The following CNTNAP2 variants were observed in gnomAD, a reference collection of about 807,000 sequenced individuals.
CNTNAP2 encodes contactin-associated protein-like 2.
Under a neutral mutation model 155.2 loss-of-function variants are expected in CNTNAP2, and 98 were observed. The observed-to-expected ratio is 0.63, with a 90% CI of 0.54 to 0.75. The LOEUF is 0.75. CNTNAP2 is among the 30% of genes least tolerant of loss of function. The pLI is 0.00. For synonymous variants in CNTNAP2, 651 were observed against 631.2 expected (o/e 1.03, Z -0.47); for missense variants, 1,727 against 1,688.1 (o/e 1.02, Z -0.40).
chr7:146,589,642 A>C (rs1798750711), intron 1 of CNTNAP2, among the ~76,000 whole-genome samples: 1 of 152,048 alleles, frequency 6.6e-6, no homozygotes, highest in Admixed American at 6.6e-5. Flanking sequence ...AGAAATACCT[A>C]ATGCAGATGA....
chr7:148,148,092 G>T (rs1805227431), intron 17 of CNTNAP2, among the ~76,000 whole-genome samples: 1 of 146,178 alleles, frequency 6.8e-6, no homozygotes, highest in African/African-American at 2.7e-5. Flanking sequence ...GGAAGGGAGA[G>T]AGGGAGGGAG....
At chr7:146,423,977 G>C (rs1796051055) in intron 1 of CNTNAP2, among the ~76,000 whole-genome samples, 1 of 152,054 alleles carries the variant, frequency 6.6e-6, no homozygotes, top group Non-Finnish European at 1.5e-5. Flanking sequence ...ACCCTCCTCA[G>C]TTAATTCTTT....
At chr7:147,728,450 T>C (rs1796682262) in intron 13 of CNTNAP2, among the ~76,000 whole-genome samples, 1 of 152,070 alleles carries the variant, frequency 6.6e-6, no homozygotes, top group Non-Finnish European at 1.5e-5. Context: ...TATTTTCTCC[T>C]CTTGGTTACC....
At chr7:146,444,014 G>A (rs17170092) in intron 1 of CNTNAP2, among the ~76,000 whole-genome samples, 11,897 of 152,050 alleles carry the variant, frequency 0.078, 530 homozygotes, top group African/African-American at 0.091. Flanking sequence ...TAATTAGTTG[G>A]TATTTATCAT....
chr7:147,319,815 C>T (rs1795313152), intron 9 of CNTNAP2, among the ~76,000 whole-genome samples: 1 of 152,062 alleles, frequency 6.6e-6, no homozygotes, highest in Admixed American at 6.6e-5. Flanking sequence ...AACTTAGTAA[C>T]GATTTAAACT....
chr7:148,120,531 T>A (rs1264445012), intron 16 of CNTNAP2, among the ~76,000 whole-genome samples: 1 of 152,104 alleles, frequency 6.6e-6, no homozygotes, highest in East Asian at 1.9e-4. Context: ...CCTCCCAAAG[T>A]GCTGGGATTA....
At chr7:146,311,958 T>C (rs184862861) in intron 1 of CNTNAP2, 1 of 152,242 alleles carries the variant, frequency 6.6e-6, no homozygotes, top group African/African-American at 2.4e-5. Flanking sequence ...TTTAAACAAC[T>C]ACTCTAGTAA....
At chr7:147,125,763 A>G (rs971225207) in intron 6 of CNTNAP2, among the ~76,000 whole-genome samples, 28 of 152,198 alleles carry the variant, frequency 1.8e-4, no homozygotes, top group Admixed American at 4.6e-4. Context: ...GATGAAATGA[A>G]TCTAATCGCA....
chr7:147,913,021 T>A (rs1299228708), intron 14 of CNTNAP2, among the ~76,000 whole-genome samples: 1 of 152,188 alleles, frequency 6.6e-6, no homozygotes, highest in East Asian at 1.9e-4. Context: ...ATGCAATGTG[T>A]GCAGTGACAA....
chr7:148,319,197 G>A (rs527585018), intron 21 of CNTNAP2, among the ~76,000 whole-genome samples: 2 of 152,212 alleles, frequency 1.3e-5, no homozygotes, highest in South Asian at 4.1e-4. Flanking sequence ...CAGTAATGAT[G>A]CCTGGAAAAT....
rs561067289 is a variant in CNTNAP2, at chr7:147,777,426, C to A, written c.2099-126139C>A. Among the ~76,000 whole-genome samples, 108 of 152,168 alleles carry A rather than the reference C, an allele frequency of 7.1e-4. 1 individual carries two copies. The highest frequency in any genetic ancestry group is 1.4e-3 in the Non-Finnish European group (94 of 68,018). On this transcript the variant is annotated intron_variant, in intron 13 of 23. Transcript: ENST00000361727. Reference sequence around the variant, plus strand: ...CTGAGATCTTATATGATGTTCACACCGACTCAGACACATACAAATGTCATC... The same window carrying A: ...CTGAGATCTTATATGATGTTCACACAGACTCAGACACATACAAATGTCATC...
At chr7:146,328,059 T>C (rs1296078772) in intron 1 of CNTNAP2, among the ~76,000 whole-genome samples, 1 of 152,160 alleles carries the variant, frequency 6.6e-6, no homozygotes, top group African/African-American at 2.4e-5. Flanking sequence ...CCATGGCCTG[T>C]TAGGGACGTG....
intron 12 of CNTNAP2, among the ~76,000 whole-genome samples, chr7:147,589,717 T>G (rs939867092): frequency 1.3e-5 from 2 of 152,118 alleles, no homozygotes; most frequent in Non-Finnish European, 1.5e-5. Context: ...TCTCTCTAAG[T>G]TTTTTCCATT....
chr7:147,614,648 G>A (rs1402845887), intron 12 of CNTNAP2, among the ~76,000 whole-genome samples: 4 of 150,906 alleles, frequency 2.7e-5, no homozygotes. Context: ...TTTTTCTAAT[G>A]ACTAAGACCC....
chr7:147,856,735 TTC>T (rs769852693), intron 13 of CNTNAP2, among the ~76,000 whole-genome samples: 6 of 152,304 alleles, frequency 3.9e-5, no homozygotes, highest in Non-Finnish European at 8.8e-5. Context: ...GGGAAAATAT[TTC>T]TGTTAAAGGA....
At chr7:147,713,626 A>T (rs1796435817) in intron 13 of CNTNAP2, among the ~76,000 whole-genome samples, 1 of 152,192 alleles carries the variant, frequency 6.6e-6, no homozygotes, top group Non-Finnish European at 1.5e-5. Flanking sequence ...TTGTTTGAAC[A>T]TACGTTTTCA....
chr7:146,660,784 T>C (rs1800073912), intron 1 of CNTNAP2, among the ~76,000 whole-genome samples: 1 of 152,246 alleles, frequency 6.6e-6, no homozygotes. Flanking sequence ...TATCTTTTAC[T>C]GAAAGTCTTT....
intron 1 of CNTNAP2, among the ~76,000 whole-genome samples, chr7:146,319,044 G>A (rs1800956896): frequency 6.6e-6 from 1 of 151,996 alleles, no homozygotes; most frequent in South Asian, 2.1e-4. Context: ...GATCCAACAT[G>A]TCTTAGGGGT....
intron 1 of CNTNAP2, among the ~76,000 whole-genome samples, chr7:146,136,757 TCA>T (rs1269945845): frequency 6.6e-6 from 1 of 152,096 alleles, no homozygotes; most frequent in Non-Finnish European, 1.5e-5. Flanking sequence ...GTTAAGTGAC[TCA>T]CACTCATTTA....
Sources: gnomAD v4.1 joint callset for allele counts (sites outside exome capture counted in the v4.1 genomes callset) on GRCh38, gnomAD v4.1.1 for gene constraint, MANE v1.5 for transcripts, NCBI Gene and HGNC (gene_info 2026-07-23, HGNC 2026-07-21) for gene names.